DTNA: variants seen among roughly 807,000 people sequenced by gnomAD.
DTNA encodes dystrophin-related protein 3.
Under a neutral mutation model 100.7 loss-of-function variants are expected in DTNA, and 43 were observed. That is an observed-to-expected ratio of 0.43 (90% CI 0.33 to 0.55). The LOEUF is 0.55. DTNA is among the 20% of genes least tolerant of loss of function. The pLI is 0.04. For missense variants in DTNA, 798 were observed against 953.9 expected, an observed-to-expected ratio of 0.84 and a Z score of 2.15; for synonymous variants, 349 against 347.9, an observed-to-expected ratio of 1.00 and a Z score of -0.04.
chr18:34,814,529 A>T (rs2095553802), intron 6 of DTNA, among the ~76,000 whole-genome samples: 1 of 151,972 alleles, frequency 6.6e-6, no homozygotes, highest in Admixed American at 6.6e-5. Flanking sequence ...TGAAAAAAAA[A>T]AAAAATTAAA....
intron 2 of DTNA, among the ~76,000 whole-genome samples, chr18:34,761,126 TCACACACACAC>T (rs2093133111): frequency 6.7e-6 from 1 of 149,204 alleles, no homozygotes; most frequent in Non-Finnish European, 1.5e-5. Flanking sequence ...CCTCCATCCT[TCACACACACAC>T]ACACACACAC....
intron 1 of DTNA, among the ~76,000 whole-genome samples, chr18:34,652,423 C>A (rs189790784): frequency 6.6e-6 from 1 of 152,232 alleles, no homozygotes; most frequent in East Asian, 1.9e-4. Context: ...CCTCACATAC[C>A]CCACCCACTG....
In DTNA at chr18:34,717,110, C is replaced by T. The variant is rs554636636; in HGVS notation, c.-2+6665C>T. Among the ~76,000 whole-genome samples the T allele has an allele frequency of 9.1e-4, 138 of 152,310 alleles. 1 individual carries two copies. The highest frequency in any genetic ancestry group is 3.1e-3 in the African/African-American group (130 of 41,576). On this transcript the variant is annotated intron_variant, in intron 1 of 22. Transcript: ENST00000444659. ...GTGGTGGAGAGGCAGAGCTCCAGAGCAATCTGTTCAAAATTCTGTGATGCT... is the reference window on the plus strand; with the variant it reads ...GTGGTGGAGAGGCAGAGCTCCAGAGTAATCTGTTCAAAATTCTGTGATGCT...
chr18:34,749,652 T>C (rs975978389), intron 1 of DTNA, among the ~76,000 whole-genome samples: 1 of 8,932 alleles, frequency 1.1e-4, no homozygotes, highest in Non-Finnish European at 4.3e-4. Flanking sequence ...AAAATAATAA[T>C]AATAATAATA....
chr18:34,732,141 T>C (rs2088416100), intron 1 of DTNA, among the ~76,000 whole-genome samples: 1 of 152,242 alleles, frequency 6.6e-6, no homozygotes, highest in South Asian at 2.1e-4. Flanking sequence ...GATCATTACA[T>C]TTTCAGACTA....
chr18:34,495,380 A>G (rs2039077354), intron 1 of DTNA, among the ~76,000 whole-genome samples: 1 of 152,198 alleles, frequency 6.6e-6, no homozygotes, highest in Non-Finnish European at 1.5e-5. Flanking sequence ...TTTCACCATA[A>G]AGTTGAGATT....
intron 4 of DTNA, among the ~76,000 whole-genome samples, chr18:34,799,082 A>C (rs1039718796): frequency 3.4e-4 from 51 of 152,186 alleles, no homozygotes; most frequent in Non-Finnish European, 1.5e-4. Flanking sequence ...ATTTATACAC[A>C]TTTGAAAGAG....
chr18:34,665,994 C>T (rs1258824866), intron 1 of DTNA, among the ~76,000 whole-genome samples: 1 of 152,206 alleles, frequency 6.6e-6, no homozygotes, highest in Non-Finnish European at 1.5e-5. Context: ...TGAGGAATCG[C>T]CACACTGTCT....
rs2096965682 is a variant in DTNA, at chr18:34,891,743, T to C, written c.*4009T>C. 1 of 152,278 alleles carries C rather than the reference T, an allele frequency of 6.6e-6. No individual in the cohort carries two copies. Among genetic ancestry groups the C allele is most frequent in the Admixed American group, 6.5e-5 (1 of 15,294 alleles). 9.4% of individuals were successfully genotyped at this position (152,278 alleles called of 1,614,324 possible). ...ACTGTTCTTAACACTTTATGTGACT[T>C]CACTCAATTCTTTGAATCCTCTGCA... On this transcript the variant is annotated 3_prime_UTR_variant, in exon 23 of 23. Transcript: ENST00000444659.
intron 1 of DTNA, among the ~76,000 whole-genome samples, chr18:34,542,909 A>T (rs933569056): frequency 6.6e-6 from 1 of 151,196 alleles, no homozygotes; most frequent in Non-Finnish European, 1.5e-5. Context: ...GTATGTCCTC[A>T]TTTTTTTTTC....
chr18:34,752,213 C>T (rs1426545899), intron 1 of DTNA, among the ~76,000 whole-genome samples: 1 of 152,208 alleles, frequency 6.6e-6, no homozygotes, highest in Non-Finnish European at 1.5e-5. Context: ...TTATTTTCCT[C>T]TTCACCTCCT....
intron 1 of DTNA, among the ~76,000 whole-genome samples, chr18:34,663,879 T>C (rs1046747734): frequency 4.6e-5 from 7 of 152,164 alleles, no homozygotes; most frequent in Non-Finnish European, 8.8e-5. Flanking sequence ...TACGTAAACA[T>C]TTGGAAGATC....
At chr18:34,877,436 T>G (rs1423211064) in intron 18 of DTNA, among the ~76,000 whole-genome samples, 2 of 152,176 alleles carry the variant, frequency 1.3e-5, no homozygotes, top group Non-Finnish European at 2.9e-5. Flanking sequence ...CCAGCCTTAT[T>G]CATACTGCTC....
intron 1 of DTNA, among the ~76,000 whole-genome samples, chr18:34,698,225 A>G (rs1379679785): frequency 6.6e-6 from 1 of 152,200 alleles, no homozygotes; most frequent in Non-Finnish European, 1.5e-5. Context: ...GACTTTTCCC[A>G]GAAACTACCT....
Position 34,875,256 on chromosome 18 carries a change from T to A in DTNA, c.1761T>A (p.Ser587=), listed in dbSNP as rs754615894. The A allele has an allele frequency of 6.2e-6, 10 of 1,613,796 alleles. No individual in the cohort carries two copies. Among genetic ancestry groups the A allele is most frequent in the Non-Finnish European group, 8.5e-6 (10 of 1,179,944 alleles). The part of the protein sequence containing the change: ...MKLLKTQGAG[S]PRSSPSHTIS... Reference sequence around the variant, plus strand: ...CTCTCCAGACTCAGGGGGCAGGCTCTCCCCGCTCCTCCCCCAGCCACACCA... The same window carrying A: ...CTCTCCAGACTCAGGGGGCAGGCTCACCCCGCTCCTCCCCCAGCCACACCA... The change falls in exon 18 of 23, where the codon TCT becomes TCA. Residue 587 remains serine, a synonymous_variant. Transcript: ENST00000444659.
rs558612071 is a variant in DTNA, at chr18:34,739,592, G to T, written c.-1-16384G>T. Reference sequence around the variant, plus strand: ...TCCAAGTCTCTCATTCCTCACCTCCGCAATCCCTGACACTCCATATTCATT... The same window carrying T: ...TCCAAGTCTCTCATTCCTCACCTCCTCAATCCCTGACACTCCATATTCATT... On this transcript the variant is annotated intron_variant, in intron 1 of 22. Coordinates refer to ENST00000444659, the MANE Select transcript of DTNA (RefSeq NM_001386795.1). 6.6e-5 allele frequency among the ~76,000 whole-genome samples: 10 copies of T among 152,186 alleles called. No homozygotes were observed. The East Asian group carries it at 1.9e-3, about 29-fold the overall frequency.
chr18:34,824,644 A>T (rs757136520), intron 9 of DTNA, among the ~76,000 whole-genome samples: 17 of 152,180 alleles, frequency 1.1e-4, no homozygotes, highest in Non-Finnish European at 2.2e-4. Context: ...ATAAGATACA[A>T]ATAAAATTAA....
intron 19 of DTNA, 85 bp downstream of exon 19, chr18:34,877,893 T>C: frequency 8.9e-7 from 1 of 1,129,448 alleles, no homozygotes; most frequent in Non-Finnish European, 1.3e-6. Flanking sequence ...ATCTGCTTAT[T>C]GTCTAATATC....
At chr18:34,735,386 C>T (rs1382380531) in intron 1 of DTNA, among the ~76,000 whole-genome samples, 1 of 152,202 alleles carries the variant, frequency 6.6e-6, no homozygotes, top group Non-Finnish European at 1.5e-5. Context: ...TCAATCCAAT[C>T]AAGTTGACAC....
Sources: allele counts gnomAD v4.1 joint callset (sites outside exome capture counted in the v4.1 genomes callset), GRCh38; gene constraint gnomAD v4.1.1; transcripts MANE v1.5; gene names NCBI Gene and HGNC (gene_info 2026-07-23, HGNC 2026-07-21).